The following ZNF554 variants were observed in gnomAD, a reference collection of about 807,000 sequenced individuals.
ZNF554 encodes the protein zinc finger protein 554.
Under a neutral mutation model 21.2 loss-of-function variants are expected in ZNF554, and 15 were observed. That is an observed-to-expected ratio of 0.71 (90% CI 0.47 to 1.09). ZNF554 has a LOEUF of 1.09. Ranked by LOEUF, ZNF554 falls within the 50% of genes least tolerant of loss-of-function variation. The pLI, the probability that ZNF554 is intolerant of heterozygous loss-of-function variation, is 0.00. For synonymous variants in ZNF554, 258 were observed against 251.4 expected (o/e 1.03, Z -0.25); for missense variants, 691 against 662.7 (o/e 1.04, Z -0.47).
chr19:2,830,299 G>T (rs970394880), intron 3 of ZNF554, among the ~76,000 whole-genome samples: 1 of 152,164 alleles, frequency 6.6e-6, no homozygotes, highest in Non-Finnish European at 1.5e-5. Flanking sequence ...TTCACTGGGT[G>T]TGATGTTTTC....
rs778298005 is a variant in ZNF554, at chr19:2,834,266, G to T, written c.1031G>T (p.Arg344Ile). ...AGGCATTCTTTGAGCGAACATCAAA[G>T]AATTCACACGGGGGAGAAACCCTAC... The part of the protein sequence containing the change: ...NRRHSLSEHQ[R>I]IHTGEKPYEC... The change falls in exon 5 of 5, where the codon AGA becomes ATA. Residue 344 changes from arginine to isoleucine, a missense_variant. Arg to Ile is a moderately conservative substitution (Grantham distance 97, BLOSUM62 -3). Coordinates refer to ENST00000317243, the MANE Select transcript of ZNF554 (RefSeq NM_001102651.2). 16 of 1,614,000 alleles carry T rather than the reference G, an allele frequency of 9.9e-6. No individual in the cohort carries two copies. In the East Asian group the frequency reaches 3.3e-4, roughly 34 times the overall value.
chr19:2,822,759 A>C (rs1318707908), intron 1 of ZNF554, among the ~76,000 whole-genome samples: 1 of 152,178 alleles, frequency 6.6e-6, no homozygotes, highest in Non-Finnish European at 1.5e-5. Flanking sequence ...CTGTAGTTCC[A>C]GCCACAGGCT....
rs545329205 is a variant in ZNF554, at chr19:2,834,819, G to A, written c.1584G>A (p.Ala528=). The A allele has an allele frequency of 5.5e-5, 88 of 1,603,042 alleles. No homozygotes were observed. The highest frequency in any genetic ancestry group is 2.9e-4 in the East Asian group (13 of 44,610). The part of the protein sequence containing the change: ...KTYKIIDCGK[A]FYQNRHLIGY ...ATAAAATCATTGACTGTGGGAAAGC[G>A]TTCTACCAGAACAGACATCTTATTG... The change falls in exon 5 of 5, where the codon GCG becomes GCA. Residue 528 remains alanine, a synonymous_variant. Transcript: ENST00000317243.
At chr19:2,820,661 C>T (rs1203094064) in intron 1 of ZNF554, among the ~76,000 whole-genome samples, 3 of 141,072 alleles carry the variant, frequency 2.1e-5, no homozygotes, top group African/African-American at 7.9e-5. Flanking sequence ...CACCGCTGTC[C>T]TGGTGATAAG....
chr19:2,822,348 A>C (rs139564815), intron 1 of ZNF554, among the ~76,000 whole-genome samples: 2 of 152,126 alleles, frequency 1.3e-5, no homozygotes, highest in Non-Finnish European at 2.9e-5. Context: ...ACCATACCCG[A>C]GCTTTTCCCT....
intron 4 of ZNF554, chr19:2,833,146 C>CT (rs5826783): frequency 0.42 from 63,821 of 151,490 alleles, 13,754 homozygotes; most frequent in Middle Eastern, 0.55. Context: ...TAATTTCTTT[C>CT]TTTTTTTTTG....
At position 2,832,371 on chromosome 19, in the gene ZNF554, C is replaced by A; in HGVS notation, c.322C>A (p.Gln108Lys). 1 of 1,614,140 alleles carries A rather than the reference C, an allele frequency of 6.2e-7. No individual in the cohort carries two copies. Among genetic ancestry groups the A allele is most frequent in the Non-Finnish European group, 8.5e-7 (1 of 1,180,000 alleles). ...TCCACTTTCCCCAGCACAAACCTCA[C>A]AAGTCACTAGTCTTTCCTCATGGAC... is the stretch of plus-strand genomic sequence containing the variant. ...EGPLSPAQTSQVTSLSSWTGY... is the reference protein window; with the variant it reads ...EGPLSPAQTSKVTSLSSWTGY... The change falls in exon 4 of 5, where the codon CAA becomes AAA. Residue 108 changes from glutamine (Q) to lysine (K), a missense_variant. Physicochemically the swap from Gln to Lys is moderately conservative, Grantham distance 53. Coordinates refer to ENST00000317243, the MANE Select transcript of ZNF554 (RefSeq NM_001102651.2).
At chr19:2,820,491 C>T (rs528351500) in intron 1 of ZNF554, among the ~76,000 whole-genome samples, 7 of 152,120 alleles carry the variant, frequency 4.6e-5, no homozygotes, top group African/African-American at 9.7e-5. Context: ...GGACACCGGG[C>T]GATGTCTGGG....
At chr19:2,830,413 G>C (rs1395620534) in intron 3 of ZNF554, 1 of 152,160 alleles carries the variant, frequency 6.6e-6, no homozygotes, top group African/African-American at 2.4e-5. Context: ...ACCAGTTGAT[G>C]GACGCCTGGG....
rs374521628 is a variant in ZNF554 at position 2,834,043 on chromosome 19, C to T, written c.808C>T (p.Arg270Trp). 62 of 1,614,094 alleles carry T rather than the reference C, an allele frequency of 3.8e-5. No individual in the cohort carries two copies. The highest frequency in any genetic ancestry group is 1.6e-4 in the Middle Eastern group (1 of 6,062). Reference sequence around the variant, plus strand: ...CCACCATCAGCTGGGATATGCAGATCGGAGACCTTGTGAAAGTAATGAATG... The same window carrying T: ...CCACCATCAGCTGGGATATGCAGATTGGAGACCTTGTGAAAGTAATGAATG... The part of the protein sequence containing the change: ...LNHHQLGYAD[R>W]RPCESNECGN... The change falls in exon 5 of 5, where the codon CGG becomes TGG. Residue 270 changes from arginine (R) to tryptophan (W), a missense_variant. Arg to Trp is a moderately radical substitution (Grantham distance 101). Coordinates refer to ENST00000317243, the MANE Select transcript of ZNF554 (RefSeq NM_001102651.2).
At position 2,819,907 on chromosome 19, in the gene ZNF554, G is replaced by T. The variant is rs1442919426; in HGVS notation, c.-165G>T. On this transcript the variant is annotated 5_prime_UTR_variant, in exon 1 of 5. Coordinates refer to ENST00000317243, the MANE Select transcript of ZNF554 (RefSeq NM_001102651.2). ...CTCTGCGCGCGTCGGGGTTGGTGGC[G>T]GCGGCTGCGGCGAGTTCCTGAGGGG... 3 of 392,328 alleles carry T rather than the reference G, an allele frequency of 7.6e-6. No individual in the cohort carries two copies. Among genetic ancestry groups the T allele is most frequent in the African/African-American group, 4.3e-5 (2 of 46,976 alleles). 24.3% of individuals were successfully genotyped at this position (392,328 alleles called of 1,614,324 possible). A position where few individuals can be genotyped will look rare whatever the true frequency, so the allele number is the denominator to read the frequency against.
intron 4 of ZNF554, among the ~76,000 whole-genome samples, chr19:2,833,436 T>G (rs1299570283): frequency 6.6e-6 from 1 of 152,206 alleles, no homozygotes; most frequent in Non-Finnish European, 1.5e-5. Context: ...CAGAGTAATT[T>G]CTTTCTGCAT....
chr19:2,820,700 T>TTTTTTTTTTTTTTGG, intron 1 of ZNF554, among the ~76,000 whole-genome samples: 2 of 149,818 alleles, frequency 1.3e-5, no homozygotes, highest in African/African-American at 5.0e-5. Context: ...TTTTTTTTTT[T>TTTTTTTTTTTTTTGG]GAGACGGAGT....
rs1473664772 is a variant in ZNF554 at position 2,820,231 on chromosome 19, A to G, written c.53+107A>G. ...GTGGCCGGGGCATGACCCTGTCGCG[A>G]TAGGGTCCCCACGGGAGGGTCGGGA... On this transcript the variant is annotated intron_variant, in intron 1 of 4. Coordinates refer to ENST00000317243, the MANE Select transcript of ZNF554 (RefSeq NM_001102651.2). 6.0e-5 allele frequency: 63 copies of G among 1,051,638 alleles called. 1 individual carries two copies. The highest frequency in any genetic ancestry group is 7.2e-4 in the Middle Eastern group (2 of 2,760). 65.1% of individuals were successfully genotyped at this position (1,051,638 alleles called of 1,614,324 possible). A position where few individuals can be genotyped will look rare whatever the true frequency, so the allele number is the denominator to read the frequency against.
In ZNF554 at chr19:2,834,127, T is replaced by G. The variant is rs764935206; in HGVS notation, c.892T>G (p.Tyr298Asp). 1 of 1,614,084 alleles carries G rather than the reference T, an allele frequency of 6.2e-7. No individual in the cohort carries two copies. The highest frequency in any genetic ancestry group is 1.7e-5 in the Admixed American group (1 of 60,024). The change falls in exon 5 of 5, where the codon TAT (tyrosine) becomes GAT (aspartate). Residue 298 changes from tyrosine (Y) to aspartate (D), a missense_variant. Transcript: ENST00000317243. ...FIQHGGKMFV[Y>D]LENGQSLNHG... Reference sequence around the variant, plus strand: ...TCAACACGGGGGGAAGATGTTTGTGTATTTGGAAAATGGGCAGTCATTGAA... The same window carrying G: ...TCAACACGGGGGGAAGATGTTTGTGGATTTGGAAAATGGGCAGTCATTGAA...
chr19:2,825,757 A>T (rs1387465236), intron 2 of ZNF554, among the ~76,000 whole-genome samples: 1 of 151,868 alleles, frequency 6.6e-6, no homozygotes, highest in African/African-American at 2.4e-5. Context: ...TCCAGGATGC[A>T]ACTGAAGAGG....
At chr19:2,824,237 C>T (rs1199509076) in intron 2 of ZNF554, among the ~76,000 whole-genome samples, 1 of 152,190 alleles carries the variant, frequency 6.6e-6, no homozygotes, top group Non-Finnish European at 1.5e-5. Context: ...TTGTCTCCAG[C>T]TCCTGCCTGC....
At chr19:2,820,225 G>A in intron 1 of ZNF554, 101 bp downstream of exon 1, 3 of 1,066,604 alleles carry the variant, frequency 2.8e-6, no homozygotes, top group Non-Finnish European at 3.6e-6. Context: ...GCATGACCCT[G>A]TCGCGATAGG....
chr19:2,832,217 T>A, intron 3 of ZNF554, 86 bp from the exon 4 acceptor site: 11 of 1,363,970 alleles, frequency 8.1e-6, no homozygotes, highest in African/African-American at 1.5e-5. Flanking sequence ...TGAGCCACCA[T>A]GCCTGGCACA....
Sources: allele counts gnomAD v4.1 joint callset (sites outside exome capture counted in the v4.1 genomes callset), GRCh38; gene constraint gnomAD v4.1.1; transcripts MANE v1.5; gene names NCBI Gene and HGNC (gene_info 2026-07-23, HGNC 2026-07-21).